CHD9: variants seen among roughly 807,000 people sequenced by gnomAD.
The protein encoded by CHD9 is ATP-dependent chromatin remodeler CHD9.
In CHD9, 77 loss-of-function variants were observed where a neutral mutation model predicts 316.1. That is an observed-to-expected ratio of 0.24 (90% CI 0.20 to 0.29). CHD9 has a LOEUF of 0.29. Among genes scored for constraint, CHD9 ranks in the 10% least tolerant of loss-of-function variants. The pLI, the probability that CHD9 is intolerant of heterozygous loss-of-function variation, is 1.00. For synonymous variants in CHD9, 1,129 were observed against 1,158.3 expected, an observed-to-expected ratio of 0.97 and a Z score of 0.51; for missense variants, 2,763 against 3,438.1, an observed-to-expected ratio of 0.80 and a Z score of 4.91.
intron 22 of CHD9, among the ~76,000 whole-genome samples, chr16:53,272,227 A>C (rs1338392206): frequency 6.8e-6 from 1 of 147,294 alleles, no homozygotes; most frequent in South Asian, 2.2e-4. Flanking sequence ...TTTAAGATGG[A>C]AGGTATCAAT....
intron 1 of CHD9, among the ~76,000 whole-genome samples, chr16:53,072,393 CCAT>C (rs2034154311): frequency 7.6e-6 from 1 of 131,064 alleles, no homozygotes; most frequent in Non-Finnish European, 1.6e-5. Flanking sequence ...AAATTTATCA[CCAT>C]AACTTTTTTT....
intron 12 of CHD9, among the ~76,000 whole-genome samples, chr16:53,241,725 C>G (rs2049113823): frequency 6.6e-6 from 1 of 152,196 alleles, no homozygotes; most frequent in South Asian, 2.1e-4. Context: ...GTATCTAGAA[C>G]TGACCACTTC....
At chr16:53,140,697 C>T (rs1327216482) in intron 1 of CHD9, among the ~76,000 whole-genome samples, 1 of 152,208 alleles carries the variant, frequency 6.6e-6, no homozygotes, top group Non-Finnish European at 1.5e-5. Flanking sequence ...AAATGATTCT[C>T]TAACCTCAGC....
At chr16:53,208,241 T>G (rs2046035677) in intron 2 of CHD9, 1 of 1,206,948 alleles carries the variant, frequency 8.3e-7, no homozygotes, top group South Asian at 1.5e-5. Flanking sequence ...TTTAGGAATC[T>G]TCTTTCAATG....
At position 53,324,796 on chromosome 16, in the gene CHD9, A is replaced by C. The variant is rs370195484; in HGVS notation, c.8595A>C (p.Glu2865Asp). ...GAACTGAACCAAGTCCTCTCAATGA[A>C]AACAGCACAGATGAGGGTTCAGAGA... The part of the protein sequence containing the change: ...KGGTEPSPLN[E>D]NSTDEGSEKA... The change falls in exon 39 of 39, where the codon GAA becomes GAC. Residue 2865 changes from glutamate to aspartate, a missense_variant. Around this residue, in one of 15 missense-constraint regions of CHD9, gnomAD observed 298 missense variants for 380.2 expected, o/e 0.78. Transcript: ENST00000447540. 1 of 1,613,212 alleles carries C rather than the reference A, an allele frequency of 6.2e-7. No individual in the cohort carries two copies. The highest frequency in any genetic ancestry group is 1.1e-5 in the South Asian group (1 of 90,882).
intron 8 of CHD9, 116 bp from the exon 9 acceptor site, chr16:53,231,303 G>T: frequency 9.5e-6 from 5 of 524,670 alleles, no homozygotes; most frequent in Non-Finnish European, 1.7e-5. Flanking sequence ...CCATTTATTG[G>T]ACATTTAACT....
intron 11 of CHD9, among the ~76,000 whole-genome samples, chr16:53,237,341 T>C (rs1390278960): frequency 6.6e-6 from 1 of 152,266 alleles, no homozygotes; most frequent in African/African-American, 2.4e-5. Context: ...ACTTTCTCAG[T>C]TACTGTCCCA....
At chr16:53,206,208 C>T (rs1399605591) in intron 2 of CHD9, among the ~76,000 whole-genome samples, 1 of 152,096 alleles carries the variant, frequency 6.6e-6, no homozygotes, top group African/African-American at 2.4e-5. Flanking sequence ...CCACCTCGGC[C>T]TCCCAAAGTG....
In CHD9 at chr16:53,146,419, G is replaced by GTATGTATATATATATA. The variant is rs59577921; in HGVS notation, c.-164-9504_-164-9503insGTATATATATATATAT. ...AAAAAAAAATTGTGTGTGTGTGTAT[G>GTATGTATATATATATA]TATATATATATATATATAATTAAAA... On this transcript the variant is annotated intron_variant, in intron 1 of 38. Transcript: ENST00000447540. 3.2e-3 allele frequency among the ~76,000 whole-genome samples: 243 copies of GTATGTATATATATATA among 76,612 alleles called. 16 individuals are homozygous for GTATGTATATATATATA. The highest frequency in any genetic ancestry group is 0.01 in the African/African-American group (176 of 16,890). The allele number at this position is 76,612 out of a possible 152,430, so 50.3% of individuals were successfully genotyped here. A position where few individuals can be genotyped will look rare whatever the true frequency, so the allele number is the denominator to read the frequency against.
chr16:53,250,574 A>T (rs537952504), intron 17 of CHD9: 28 of 152,638 alleles, frequency 1.8e-4, no homozygotes, highest in African/African-American at 5.8e-4. Context: ...ATCCTTAAAA[A>T]TAAGTACTCG....
chr16:53,306,776 T>G (rs2056017307), intron 32 of CHD9, among the ~76,000 whole-genome samples: 1 of 148,232 alleles, frequency 6.7e-6, no homozygotes, highest in Non-Finnish European at 1.5e-5. Context: ...AAAGATTGAA[T>G]TAATACAGAT....
intron 1 of CHD9, among the ~76,000 whole-genome samples, chr16:53,148,228 G>C (rs1394573860): frequency 1.3e-5 from 2 of 151,934 alleles, no homozygotes; most frequent in East Asian, 3.9e-4. Context: ...ATAAAATTTT[G>C]CTTATTTAGT....
intron 26 of CHD9, among the ~76,000 whole-genome samples, chr16:53,287,232 A>G (rs1019965692): frequency 6.6e-6 from 1 of 152,096 alleles, no homozygotes; most frequent in Admixed American, 6.5e-5. Context: ...TGGCTTCCCA[A>G]AGTGCGGAGA....
At chr16:53,281,334 CTGT>C in intron 24 of CHD9, among the ~76,000 whole-genome samples, 1 of 152,236 alleles carries the variant, frequency 6.6e-6, no homozygotes, top group South Asian at 2.1e-4. Flanking sequence ...ACCCATTGCT[CTGT>C]TGTTATTCTT....
chr16:53,185,575 C>T (rs749134580), intron 2 of CHD9, among the ~76,000 whole-genome samples: 2 of 152,178 alleles, frequency 1.3e-5, no homozygotes, highest in Non-Finnish European at 2.9e-5. Flanking sequence ...GCATAAATAA[C>T]AAGGAGTCGA....
chr16:53,322,741 T>G (rs1395791440), intron 38 of CHD9, among the ~76,000 whole-genome samples: 1 of 152,126 alleles, frequency 6.6e-6, no homozygotes, highest in African/African-American at 2.4e-5. Context: ...CTTACAGGTG[T>G]CCAAATGGAA....
intron 1 of CHD9, among the ~76,000 whole-genome samples, chr16:53,062,778 C>T (rs1243223650): frequency 6.6e-6 from 1 of 152,176 alleles, no homozygotes; most frequent in Admixed American, 6.5e-5. Flanking sequence ...CGCCTGTAAT[C>T]CCAGCACTTT....
In CHD9 at chr16:53,304,163, A is replaced by G; in HGVS notation, c.6157A>G (p.Lys2053Glu). 2.5e-6 allele frequency: 4 copies of G among 1,612,920 alleles called. No individual in the cohort carries two copies. Among genetic ancestry groups the G allele is most frequent in the Non-Finnish European group, 2.5e-6 (3 of 1,179,480 alleles). ...EEMKVKSENL[K>E]EEPQSSEEES... Reference sequence around the variant, plus strand: ...GATGAAAGTTAAAAGTGAAAACCTTAAAGAGGAGCCTCAGTCTTCTGAAGA... The same window carrying G: ...GATGAAAGTTAAAAGTGAAAACCTTGAAGAGGAGCCTCAGTCTTCTGAAGA... The change falls in exon 31 of 39, where the codon AAA becomes GAA. Residue 2053 changes from lysine to glutamate, a missense_variant. Lys to Glu is a moderately conservative substitution (Grantham distance 56). Around this residue, in one of 15 missense-constraint regions of CHD9, gnomAD observed 663 missense variants for 751.2 expected, o/e 0.88. Coordinates refer to ENST00000447540, the MANE Select transcript of CHD9 (RefSeq NM_001308319.2).
At chr16:53,134,795 CA>C (rs1304032089) in intron 1 of CHD9, among the ~76,000 whole-genome samples, 1 of 152,178 alleles carries the variant, frequency 6.6e-6, no homozygotes, top group Non-Finnish European at 1.5e-5. Context: ...CAAAGTCATT[CA>C]CATCCATTTA....
Sources: gnomAD v4.1 joint callset for allele counts (sites outside exome capture counted in the v4.1 genomes callset) on GRCh38, gnomAD v4.1.1 for gene constraint, gnomAD v4.1.1 regional missense constraint, MANE v1.5 for transcripts, NCBI Gene and HGNC (gene_info 2026-07-23, HGNC 2026-07-21) for gene names.